ZNF704: variants seen among roughly 807,000 people sequenced by gnomAD.
ZNF704 encodes glucocorticoid induced gene 1.
A neutral mutation model predicts 44.7 loss-of-function variants in ZNF704; 10 were observed. The observed-to-expected ratio is 0.22, with a 90% confidence interval of 0.14 to 0.38. The LOEUF (loss-of-function observed/expected upper bound fraction) is 0.38, where lower values mean the gene tolerates loss of function less well. Ranked by LOEUF, ZNF704 falls within the 10% of genes least tolerant of loss-of-function variation. The probability of loss-of-function intolerance (pLI) is 1.00; values close to 1 mark genes in which losing one functional copy is unlikely to be tolerated. For missense variants in ZNF704, 390 were observed against 545.5 expected (o/e 0.71, Z 2.84); for synonymous variants, 211 against 207.6 (o/e 1.02, Z -0.14).
intron 1 of ZNF704, among the ~76,000 whole-genome samples, chr8:80,841,470 C>G (rs1398433090): frequency 6.6e-6 from 1 of 152,040 alleles, no homozygotes; most frequent in Non-Finnish European, 1.5e-5. Flanking sequence ...GTACTTCTCT[C>G]TATTTCTATT....
At chr8:80,764,803 AGACT>A (rs1171932144) in intron 2 of ZNF704, among the ~76,000 whole-genome samples, 1 of 152,240 alleles carries the variant, frequency 6.6e-6, no homozygotes, top group Non-Finnish European at 1.5e-5. Context: ...CGCTTATCAC[AGACT>A]TTTATTCAAG....
intron 8 of ZNF704, among the ~76,000 whole-genome samples, chr8:80,641,791 G>C (rs1817749089): frequency 6.6e-6 from 1 of 152,118 alleles, no homozygotes. Context: ...AACCCGGGAG[G>C]TGGAGTTTGC....
intron 6 of ZNF704, among the ~76,000 whole-genome samples, chr8:80,660,770 T>C (rs771812067): frequency 2.0e-5 from 3 of 152,132 alleles, no homozygotes; most frequent in Non-Finnish European, 2.9e-5. Flanking sequence ...CTAGCTCTTG[T>C]CATTTACAAA....
intron 1 of ZNF704, among the ~76,000 whole-genome samples, chr8:80,833,779 C>T (rs1159100983): frequency 6.6e-6 from 1 of 152,052 alleles, no homozygotes; most frequent in South Asian, 2.1e-4. Context: ...ATCAATATGC[C>T]GAGACACCAG....
At chr8:80,677,963 G>A (rs1818396011) in intron 4 of ZNF704, among the ~76,000 whole-genome samples, 2 of 152,110 alleles carry the variant, frequency 1.3e-5, no homozygotes, top group African/African-American at 4.8e-5. Context: ...AACTTCTCAG[G>A]GGACATCCAT....
intron 2 of ZNF704, among the ~76,000 whole-genome samples, chr8:80,792,431 C>A (rs1054014695): frequency 1.3e-5 from 2 of 152,130 alleles, no homozygotes; most frequent in Admixed American, 1.3e-4. Flanking sequence ...TCTAACATGA[C>A]CCCCAAAGAT....
chr8:80,815,237 A>T (rs1031252366), intron 2 of ZNF704, among the ~76,000 whole-genome samples: 3 of 152,202 alleles, frequency 2.0e-5, no homozygotes, highest in African/African-American at 4.8e-5. Flanking sequence ...CCAACCACAA[A>T]CTAACAATCT....
chr8:80,847,751 C>T (rs1007005345), intron 1 of ZNF704, among the ~76,000 whole-genome samples: 1 of 152,134 alleles, frequency 6.6e-6, no homozygotes, highest in Admixed American at 6.6e-5. Context: ...AGCATTGAAC[C>T]TCCATAGGCA....
At chr8:80,722,677 A>G (rs555090534) in intron 2 of ZNF704, among the ~76,000 whole-genome samples, 2 of 152,326 alleles carry the variant, frequency 1.3e-5, no homozygotes, top group African/African-American at 4.8e-5. Context: ...CAATCAACTT[A>G]GTTTTTATAG....
chr8:80,824,581 A>T (rs952347400), intron 1 of ZNF704, among the ~76,000 whole-genome samples: 2 of 152,196 alleles, frequency 1.3e-5, no homozygotes, highest in African/African-American at 4.8e-5. Context: ...GAACGCCACA[A>T]AGATACTCCT....
At chr8:80,829,304 G>C (rs993141338) in intron 1 of ZNF704, among the ~76,000 whole-genome samples, 1 of 152,120 alleles carries the variant, frequency 6.6e-6, no homozygotes, top group African/African-American at 2.4e-5. Context: ...GCCTGGAGGT[G>C]GGGGGAGAGG....
chr8:80,760,165 T>C (rs1807104233), intron 2 of ZNF704, among the ~76,000 whole-genome samples: 1 of 152,194 alleles, frequency 6.6e-6, no homozygotes, highest in African/African-American at 2.4e-5. Flanking sequence ...AGAATAAGTT[T>C]GTATTGTTTT....
chr8:80,631,962 C>T lies in ZNF704; in HGVS notation c.*9404G>A, dbSNP rs1011636088. ...TGAAAAAACATTAACAACAGCCTGG[C>T]CTCTAGCTCAGGCAGATGAGGGCAA... On this transcript the variant is annotated 3_prime_UTR_variant, in exon 9 of 9. Coordinates refer to ENST00000327835, the MANE Select transcript of ZNF704 (RefSeq NM_001033723.3). 1 of 152,122 alleles carries T rather than the reference C, an allele frequency of 6.6e-6. No individual in the cohort carries two copies. The highest frequency in any genetic ancestry group is 1.5e-5 in the Non-Finnish European group (1 of 68,026). The allele number at this position is 152,122 out of a possible 1,614,324, so 9.4% of individuals were successfully genotyped here.
intron 2 of ZNF704, among the ~76,000 whole-genome samples, chr8:80,783,008 A>G (rs572018927): frequency 3.9e-5 from 6 of 152,286 alleles, no homozygotes; most frequent in Admixed American, 2.0e-4. Context: ...GTACTTGGAA[A>G]CCACAGAAAT....
At chr8:80,695,257 C>A (rs551718440) in intron 2 of ZNF704, among the ~76,000 whole-genome samples, 43 of 152,336 alleles carry the variant, frequency 2.8e-4, no homozygotes, top group African/African-American at 1.0e-3. Context: ...TACCTTGGGG[C>A]TCCTCCAACT....
chr8:80,801,575 T>C (rs1807899966), intron 2 of ZNF704, among the ~76,000 whole-genome samples: 1 of 152,184 alleles, frequency 6.6e-6, no homozygotes, highest in Non-Finnish European at 1.5e-5. Flanking sequence ...GTTAGTTAAA[T>C]AATGAAATTA....
At chr8:80,715,546 A>G (rs1009515080) in intron 2 of ZNF704, among the ~76,000 whole-genome samples, 1 of 152,172 alleles carries the variant, frequency 6.6e-6, no homozygotes, top group Non-Finnish European at 1.5e-5. Flanking sequence ...CATGAGGCCC[A>G]AGGAAGTGGG....
chr8:80,708,592 T>C (rs1045832442), intron 2 of ZNF704, among the ~76,000 whole-genome samples: 15 of 152,272 alleles, frequency 9.9e-5, no homozygotes, highest in Non-Finnish European at 1.6e-4. Context: ...CTAAAAGTGA[T>C]TGTATAGCTA....
intron 1 of ZNF704, among the ~76,000 whole-genome samples, chr8:80,842,539 G>C (rs1808698753): frequency 6.6e-6 from 1 of 152,136 alleles, no homozygotes; most frequent in Non-Finnish European, 1.5e-5. Context: ...TGCTTAAACA[G>C]AACAGTATGG....
Sources: allele counts gnomAD v4.1 joint callset (sites outside exome capture counted in the v4.1 genomes callset), GRCh38; gene constraint gnomAD v4.1.1; transcripts MANE v1.5; gene names NCBI Gene and HGNC (gene_info 2026-07-23, HGNC 2026-07-21).